Variants in SIK3 observed in about 807,000 individuals in gnomAD.
The protein encoded by SIK3 is SIK family kinase 3, also known as serine/threonine-protein kinase SIK3.
SIK3 carries 28 observed loss-of-function variants against 144.2 expected under a neutral mutation model. The observed-to-expected ratio is 0.19, with a 90% CI of 0.14 to 0.27. The LOEUF (loss-of-function observed/expected upper bound fraction) is 0.27, where lower values mean the gene tolerates loss of function less well. Ranked by LOEUF, SIK3 falls within the 10% of genes least tolerant of loss-of-function variation. The probability of loss-of-function intolerance (pLI) is 1.00; values close to 1 mark genes in which losing one functional copy is unlikely to be tolerated. For synonymous variants in SIK3, 686 were observed against 676.3 expected, an observed-to-expected ratio of 1.01 and a Z score of -0.22; for missense variants, 1,319 against 1,776.0, an observed-to-expected ratio of 0.74 and a Z score of 4.62.
intron 1 of SIK3, among the ~76,000 whole-genome samples, chr11:117,023,615 A>ATATAT (rs1555131677): frequency 1.9e-5 from 2 of 104,006 alleles, no homozygotes; most frequent in African/African-American, 1.1e-4. Flanking sequence ...CAAACAAAAA[A>ATATAT]AAAAAAATAT....
chr11:117,023,387 GAC>G (rs1275984871), intron 1 of SIK3, among the ~76,000 whole-genome samples: 1 of 150,096 alleles, frequency 6.7e-6, no homozygotes, highest in East Asian at 1.9e-4. Context: ...CAGGAAGAGA[GAC>G]TGAAGTATGT....
chr11:117,035,064 C>A (rs1952435162), intron 1 of SIK3, among the ~76,000 whole-genome samples: 1 of 152,088 alleles, frequency 6.6e-6, no homozygotes, highest in South Asian at 2.1e-4. Flanking sequence ...TATGAATATA[C>A]CACCATTTAT....
chr11:117,084,557 C>A (rs1331211035), intron 1 of SIK3, among the ~76,000 whole-genome samples: 1 of 152,116 alleles, frequency 6.6e-6, no homozygotes, highest in Non-Finnish European at 1.5e-5. Flanking sequence ...TGAGCCACCG[C>A]GCCGGGCCCA....
intron 3 of SIK3, among the ~76,000 whole-genome samples, chr11:116,940,374 C>T (rs557837422): frequency 1.9e-4 from 29 of 151,750 alleles, no homozygotes; most frequent in African/African-American, 4.1e-4. Flanking sequence ...GGACTATAGG[C>T]GTGTGTCACC....
rs1269272441 is a variant in SIK3 at position 116,844,608 on chromosome 11, TTATATATATAA to T, written c.*1024_*1034del. The T allele has an allele frequency of 8.9e-5, 5 of 55,890 alleles. No individual in the cohort carries two copies. The highest frequency in any genetic ancestry group is 1.9e-4 in the Admixed American group (1 of 5,252). The allele number at this position is 55,890 out of a possible 1,614,324, so 3.5% of individuals were successfully genotyped here. A position where few individuals can be genotyped will look rare whatever the true frequency, so the allele number is the denominator to read the frequency against. Reference sequence around the variant, plus strand: ...TATATATATATATTTTATATATATATTATATATATAATATATATATAATATATTATATTATA... The same window carrying T: ...TATATATATATATTTTATATATATATTATATATATAATATATTATATTATA... On this transcript the variant is annotated 3_prime_UTR_variant, in exon 25 of 25. Coordinates refer to ENST00000445177, the MANE Select transcript of SIK3 (RefSeq NM_001366686.3).
At chr11:116,966,759 G>C (rs1949562515) in intron 1 of SIK3, among the ~76,000 whole-genome samples, 1 of 151,838 alleles carries the variant, frequency 6.6e-6, no homozygotes, top group Non-Finnish European at 1.5e-5. Context: ...TTGCACTTTG[G>C]GAGGCCGAGG....
chr11:116,978,851 T>C (rs1950044460), intron 1 of SIK3, among the ~76,000 whole-genome samples: 1 of 152,156 alleles, frequency 6.6e-6, no homozygotes, highest in African/African-American at 2.4e-5. Flanking sequence ...CCCACTATTT[T>C]GGAATATTCC....
intron 1 of SIK3, among the ~76,000 whole-genome samples, chr11:117,007,128 A>G (rs1308434829): frequency 6.6e-6 from 1 of 152,244 alleles, no homozygotes; most frequent in Non-Finnish European, 1.5e-5. Flanking sequence ...CTGTAATCTC[A>G]GCACTTCGGG....
chr11:116,961,875 C>T (rs912646384), intron 1 of SIK3, among the ~76,000 whole-genome samples: 2 of 152,034 alleles, frequency 1.3e-5, no homozygotes, highest in African/African-American at 2.4e-5. Context: ...TTTCAATTGG[C>T]ATGTGGTAGG....
chr11:117,096,210 T>C (rs1385268846), intron 1 of SIK3, among the ~76,000 whole-genome samples: 1 of 152,220 alleles, frequency 6.6e-6, no homozygotes, highest in African/African-American at 2.4e-5. Context: ...TACGAAAACA[T>C]TCAACCCTGT....
chr11:117,063,582 G>A (rs935301740), intron 1 of SIK3, among the ~76,000 whole-genome samples: 1 of 146,862 alleles, frequency 6.8e-6, no homozygotes, highest in Admixed American at 6.8e-5. Context: ...TCTTAATGAA[G>A]TTTCTTTTTT....
intron 1 of SIK3, among the ~76,000 whole-genome samples, chr11:117,042,864 G>A (rs926916979): frequency 6.6e-6 from 1 of 152,094 alleles, no homozygotes; most frequent in African/African-American, 2.4e-5. Context: ...CTTAGTAGCC[G>A]CCAAATTCTA....
chr11:117,034,305 C>A (rs2135815840), intron 1 of SIK3, among the ~76,000 whole-genome samples: 1 of 152,138 alleles, frequency 6.6e-6, no homozygotes, highest in South Asian at 2.1e-4. Flanking sequence ...AAAACAGAGA[C>A]AAGAGAAAAG....
intron 1 of SIK3, among the ~76,000 whole-genome samples, chr11:117,052,206 C>G (rs1402379372): frequency 6.6e-6 from 1 of 151,954 alleles, no homozygotes; most frequent in Non-Finnish European, 1.5e-5. Flanking sequence ...TAATACAAGT[C>G]CAGAATGACA....
chr11:117,076,533 T>C (rs1954545604), intron 1 of SIK3, among the ~76,000 whole-genome samples: 1 of 148,780 alleles, frequency 6.7e-6, no homozygotes, highest in South Asian at 2.1e-4. Context: ...TAAACACAAT[T>C]TTTTTTTTTT....
intron 1 of SIK3, among the ~76,000 whole-genome samples, chr11:116,965,883 C>T (rs544300094): frequency 2.7e-5 from 4 of 147,672 alleles, no homozygotes; most frequent in Non-Finnish European, 5.9e-5. Context: ...TGCAGTGAGC[C>T]GAGATGACAC....
At chr11:117,050,544 G>A (rs1953191234) in intron 1 of SIK3, among the ~76,000 whole-genome samples, 1 of 151,484 alleles carries the variant, frequency 6.6e-6, no homozygotes, top group South Asian at 2.1e-4. Flanking sequence ...AAATTAGCCA[G>A]GCGTGGTGGC....
intron 21 of SIK3, among the ~76,000 whole-genome samples, chr11:116,850,420 T>C (rs1253079642): frequency 3.3e-5 from 5 of 152,228 alleles, no homozygotes; most frequent in Non-Finnish European, 7.3e-5. Context: ...AACTGATTCT[T>C]CTGCCTTCAC....
intron 1 of SIK3, among the ~76,000 whole-genome samples, chr11:117,074,948 T>C (rs968535783): frequency 4.0e-5 from 6 of 150,750 alleles, no homozygotes; most frequent in African/African-American, 1.2e-4. Context: ...AAAAAACAAC[T>C]CAAATGAAAT....
Sources: gnomAD v4.1 joint callset for allele counts (sites outside exome capture counted in the v4.1 genomes callset) on GRCh38, gnomAD v4.1.1 for gene constraint, MANE v1.5 for transcripts, NCBI Gene and HGNC (gene_info 2026-07-23, HGNC 2026-07-21) for gene names.